ATP6V0A1: variants seen among roughly 807,000 people sequenced by gnomAD.
The protein encoded by ATP6V0A1 is V-type proton ATPase 116 kDa subunit a 1.
Under a neutral mutation model 105.4 loss-of-function variants are expected in ATP6V0A1, and 43 were observed. The ratio of observed to expected loss-of-function variants is 0.41; its 90% CI spans 0.32 to 0.53. The LOEUF (loss-of-function observed/expected upper bound fraction) is 0.53, where lower values mean the gene tolerates loss of function less well. Among genes scored for constraint, ATP6V0A1 ranks in the 20% least tolerant of loss-of-function variants. ATP6V0A1 has a pLI of 0.30. For synonymous variants in ATP6V0A1, 362 were observed against 372.8 expected (o/e 0.97, Z 0.33); for missense variants, 676 against 1,051.1 (o/e 0.64, Z 4.93).
chr17:42,499,300 G>A (rs1209529491), intron 15 of ATP6V0A1, among the ~76,000 whole-genome samples: 1 of 151,928 alleles, frequency 6.6e-6, no homozygotes, highest in Non-Finnish European at 1.5e-5. Flanking sequence ...ATGAAACCCC[G>A]TCTCTACTAA....
At chr17:42,461,697 G>A (rs946597954) in intron 2 of ATP6V0A1, among the ~76,000 whole-genome samples, 4 of 152,298 alleles carry the variant, frequency 2.6e-5, no homozygotes, top group Admixed American at 6.5e-5. Context: ...CCTGAACCTG[G>A]GAGGCGGAGG....
intron 4 of ATP6V0A1, among the ~76,000 whole-genome samples, chr17:42,469,567 C>G (rs749581425): frequency 1.1e-4 from 17 of 151,976 alleles, no homozygotes; most frequent in Non-Finnish European, 2.1e-4. Flanking sequence ...AACTCCTGAC[C>G]TCAGATGAGC....
chr17:42,468,092 C>T lies in ATP6V0A1; in HGVS notation c.279C>T (p.Asp93=). 6.3e-7 allele frequency: 1 copy of T among 1,595,002 alleles called. No individual in the cohort carries two copies. Among genetic ancestry groups the T allele is most frequent in the Non-Finnish European group, 8.5e-7 (1 of 1,169,786 alleles). ...GENPEVPFPR[D]MIDLEANFEK... Reference sequence around the variant, plus strand: ...ACCCAGAGGTTCCCTTCCCCCGGGACATGATTGACTTAGAGGTAAACACTT... The same window carrying T: ...ACCCAGAGGTTCCCTTCCCCCGGGATATGATTGACTTAGAGGTAAACACTT... Residue 93 remains aspartate, a synonymous_variant, in exon 4 of 22, where the codon GAC becomes GAT. Transcript: ENST00000343619.
intron 4 of ATP6V0A1, among the ~76,000 whole-genome samples, chr17:42,468,641 G>A (rs1046396233): frequency 1.3e-5 from 2 of 151,946 alleles, no homozygotes; most frequent in Non-Finnish European, 1.5e-5. Flanking sequence ...TGTATTATTT[G>A]TCTGTGCCCT....
At chr17:42,507,434 T>G in intron 17 of ATP6V0A1, 86 bp from the exon 18 acceptor site, 1 of 909,932 alleles carries the variant, frequency 1.1e-6, no homozygotes, top group Non-Finnish European at 1.7e-6. Context: ...TTCTGAGGTT[T>G]GTGTTACTAA....
chr17:42,459,035 C>G (rs184861753), intron 1 of ATP6V0A1, 72 bp downstream of exon 1: 2 of 152,370 alleles, frequency 1.3e-5, no homozygotes, highest in African/African-American at 4.8e-5. Flanking sequence ...TTCTAAGAGC[C>G]CCCTTGATTG....
rs28441516 is a variant in ATP6V0A1 at position 42,517,701 on chromosome 17, G to A, written c.2420+3241G>A. Among the ~76,000 whole-genome samples the A allele has an allele frequency of 5.3e-5, 8 of 152,334 alleles. 1 individual carries two copies. The highest frequency in any genetic ancestry group is 2.0e-4 in the Admixed American group (3 of 15,298). ...ATCTTCCCTGTGGCCCAGGACTGCA[G>A]GAGGCGTTCTGAGCTGTGGCCCTCT... On this transcript the variant is annotated intron_variant, in intron 21 of 21. Transcript: ENST00000343619.
intron 18 of ATP6V0A1, 179 bp downstream of exon 18, chr17:42,507,806 T>G: frequency 1.6e-6 from 1 of 607,548 alleles, no homozygotes; most frequent in Non-Finnish European, 3.0e-6. Flanking sequence ...TGCCCTAAGC[T>G]CCAGCTGTTG....
Position 42,507,571 on chromosome 17 carries a change from G to A in ATP6V0A1, c.2056G>A (p.Asp686Asn). The change falls in exon 18 of 22, where the codon GAT becomes AAT. Residue 686 changes from aspartate to asparagine, a missense_variant. Transcript: ENST00000343619. ...IRVGNGPTEE[D>N]AEIIQHDQLS... Reference sequence around the variant, plus strand: ...GGTGGGCAACGGACCGACAGAGGAGGATGCTGAGATTATTCAGCATGACCA... The same window carrying A: ...GGTGGGCAACGGACCGACAGAGGAGAATGCTGAGATTATTCAGCATGACCA... 1 of 1,613,812 alleles carries A rather than the reference G, an allele frequency of 6.2e-7. No homozygotes were observed. Among genetic ancestry groups the A allele is most frequent in the Non-Finnish European group, 8.5e-7 (1 of 1,179,902 alleles).
intron 9 of ATP6V0A1, among the ~76,000 whole-genome samples, chr17:42,486,463 C>T (rs1314592498): frequency 6.6e-6 from 1 of 151,214 alleles, no homozygotes; most frequent in African/African-American, 2.5e-5. Flanking sequence ...TAAAATGTTC[C>T]TGTACCTTCC....
intron 18 of ATP6V0A1, among the ~76,000 whole-genome samples, chr17:42,507,868 C>T (rs1010573695): frequency 3.9e-5 from 6 of 152,286 alleles, no homozygotes; most frequent in Non-Finnish European, 7.4e-5. Flanking sequence ...AGATTTTGCC[C>T]GCAGTGCTCT....
chr17:42,519,219 T>G (rs1007214711), intron 21 of ATP6V0A1: 34 of 152,216 alleles, frequency 2.2e-4, no homozygotes, highest in African/African-American at 5.3e-4. Context: ...ATAAGGTGAC[T>G]GGAGGGGTGC....
intron 3 of ATP6V0A1, among the ~76,000 whole-genome samples, chr17:42,466,895 C>A (rs1238692275): frequency 6.6e-6 from 1 of 152,172 alleles, no homozygotes; most frequent in Non-Finnish European, 1.5e-5. Context: ...CACCTGTAAT[C>A]CCAGCACTTT....
chr17:42,500,998 A>G (rs1431046906), intron 16 of ATP6V0A1, 75 bp downstream of exon 16: 2 of 1,480,690 alleles, frequency 1.4e-6, no homozygotes, highest in Middle Eastern at 1.7e-4. Context: ...CTGACCCTAA[A>G]AAATTTATAA....
At chr17:42,506,345 T>G (rs1157678981) in intron 17 of ATP6V0A1, among the ~76,000 whole-genome samples, 1 of 152,252 alleles carries the variant, frequency 6.6e-6, no homozygotes, top group Non-Finnish European at 1.5e-5. Flanking sequence ...ATGCAACTAG[T>G]TCTCTGACCA....
At chr17:42,502,395 A>G (rs971797900) in intron 17 of ATP6V0A1, among the ~76,000 whole-genome samples, 1 of 152,202 alleles carries the variant, frequency 6.6e-6, no homozygotes, top group Middle Eastern at 3.2e-3. Flanking sequence ...AACATCTGGG[A>G]AAAAGGTTTG....
chr17:42,489,541 GA>G (rs1348051389), intron 10 of ATP6V0A1, among the ~76,000 whole-genome samples: 5 of 152,150 alleles, frequency 3.3e-5, no homozygotes, highest in Non-Finnish European at 7.3e-5. Flanking sequence ...AAAAAATGAT[GA>G]ATTGTGAGAT....
chr17:42,468,882 A>T (rs1337956776), intron 4 of ATP6V0A1, among the ~76,000 whole-genome samples: 1 of 151,942 alleles, frequency 6.6e-6, no homozygotes, highest in East Asian at 1.9e-4. Context: ...AGACATAGCT[A>T]TCACCTAGGC....
At chr17:42,512,531 A>G (rs963457234) in intron 19 of ATP6V0A1, among the ~76,000 whole-genome samples, 5 of 152,170 alleles carry the variant, frequency 3.3e-5, no homozygotes, top group African/African-American at 9.7e-5. Flanking sequence ...CCTAGTTTTC[A>G]GGGTAAGTAA....
Sources: allele counts gnomAD v4.1 joint callset (sites outside exome capture counted in the v4.1 genomes callset), GRCh38; gene constraint gnomAD v4.1.1; transcripts MANE v1.5; gene names NCBI Gene and HGNC (gene_info 2026-07-23, HGNC 2026-07-21).